Variants in MBOAT2 observed in about 807,000 individuals in gnomAD.
MBOAT2 encodes membrane-bound glycerophospholipid O-acyltransferase 2.
In MBOAT2, 28 loss-of-function variants were observed where a neutral mutation model predicts 63.4. The observed-to-expected ratio is 0.44, with a 90% CI of 0.33 to 0.61. MBOAT2 has a LOEUF of 0.61. Among genes scored for constraint, MBOAT2 ranks in the 20% least tolerant of loss-of-function variants. The pLI, the probability that MBOAT2 is intolerant of heterozygous loss-of-function variation, is 0.03. For synonymous variants in MBOAT2, 211 were observed against 215.6 expected (o/e 0.98, Z 0.19); for missense variants, 470 against 605.8 (o/e 0.78, Z 2.35).
chr2:8,991,376 A>C (rs928943826), intron 1 of MBOAT2, among the ~76,000 whole-genome samples: 3 of 152,226 alleles, frequency 2.0e-5, no homozygotes, highest in Non-Finnish European at 4.4e-5. Context: ...AGTAGTGTGA[A>C]ATTCCAACCT....
intron 1 of MBOAT2, among the ~76,000 whole-genome samples, chr2:8,964,762 C>G (rs1351672196): frequency 6.6e-6 from 1 of 152,182 alleles, no homozygotes; most frequent in Admixed American, 6.5e-5. Context: ...TACTGTCAGA[C>G]TACTAATTTT....
At chr2:8,967,982 G>A (rs1170726958) in intron 1 of MBOAT2, among the ~76,000 whole-genome samples, 3 of 152,052 alleles carry the variant, frequency 2.0e-5, no homozygotes, top group Non-Finnish European at 4.4e-5. Flanking sequence ...AGTGAGTGAC[G>A]CAGAAGACAG....
rs1662467057 is a variant in MBOAT2, at chr2:8,873,234, T to C, written c.757A>G (p.Thr253Ala). The part of the protein sequence containing the change: ...SLLFHLTICT[T>A]LPVEYNIDEH... ...TCAATGTTGTACTCCACAGGTAATG[T>C]TGTACAGATGGTCAAGTGAAATAAC... Residue 253 changes from threonine (T) to alanine (A), a missense_variant, in exon 8 of 13, where the codon ACA becomes GCA. Physicochemically the swap from Thr to Ala is moderately conservative, Grantham distance 58 (BLOSUM62 0). Coordinates refer to ENST00000305997, the MANE Select transcript of MBOAT2 (RefSeq NM_138799.4). The C allele has an allele frequency of 6.2e-7, 1 of 1,614,200 alleles. No homozygotes were observed. Among genetic ancestry groups the C allele is most frequent in the Non-Finnish European group, 8.5e-7 (1 of 1,180,012 alleles).
At chr2:8,984,076 T>C (rs898652735) in intron 1 of MBOAT2, among the ~76,000 whole-genome samples, 5 of 152,180 alleles carry the variant, frequency 3.3e-5, no homozygotes, top group African/African-American at 9.7e-5. Flanking sequence ...CTGACTTTTA[T>C]GAGGTCCCAT....
At chr2:8,963,056 G>A (rs1200387424) in intron 1 of MBOAT2, among the ~76,000 whole-genome samples, 1 of 151,946 alleles carries the variant, frequency 6.6e-6, no homozygotes, top group African/African-American at 2.4e-5. Flanking sequence ...TGGGCAACAT[G>A]GTGAAACCCC....
At chr2:8,966,158 CAA>C (rs2103295785) in intron 1 of MBOAT2, among the ~76,000 whole-genome samples, 1 of 152,240 alleles carries the variant, frequency 6.6e-6, no homozygotes, top group African/African-American at 2.4e-5. Context: ...TGTGAAAGAT[CAA>C]AGTGTATATC....
intron 2 of MBOAT2, among the ~76,000 whole-genome samples, chr2:8,944,814 A>T (rs1176166270): frequency 6.6e-6 from 1 of 152,148 alleles, no homozygotes; most frequent in African/African-American, 2.4e-5. Context: ...CAAATTTATG[A>T]TCTACCTCTT....
At chr2:8,992,869 C>T (rs530830834) in intron 1 of MBOAT2, among the ~76,000 whole-genome samples, 11 of 152,322 alleles carry the variant, frequency 7.2e-5, no homozygotes, top group African/African-American at 2.6e-4. Context: ...TCCACAGGGA[C>T]ACGGGTTTAC....
intron 6 of MBOAT2, among the ~76,000 whole-genome samples, chr2:8,880,471 C>T (rs188980156): frequency 6.6e-6 from 1 of 152,154 alleles, no homozygotes; most frequent in African/African-American, 2.4e-5. Flanking sequence ...ATGTTCTGTT[C>T]GAGCTGCCTG....
At chr2:8,923,598 C>A (rs920012653) in intron 3 of MBOAT2, among the ~76,000 whole-genome samples, 1 of 152,106 alleles carries the variant, frequency 6.6e-6, no homozygotes, top group Non-Finnish European at 1.5e-5. Flanking sequence ...TTCTTTGCTA[C>A]AATACCTGCT....
At chr2:8,899,609 G>C (rs1398587348) in intron 4 of MBOAT2, among the ~76,000 whole-genome samples, 1 of 152,184 alleles carries the variant, frequency 6.6e-6, no homozygotes, top group Admixed American at 6.5e-5. Context: ...TTGTCTTATG[G>C]AGCAGTGCAC....
intron 1 of MBOAT2, among the ~76,000 whole-genome samples, chr2:8,986,173 C>T (rs1671549830): frequency 7.0e-6 from 1 of 143,020 alleles, no homozygotes; most frequent in African/African-American, 2.6e-5. Flanking sequence ...CTACAAAATC[C>T]ATGACCAGTT....
At chr2:8,935,312 G>T (rs1472274441) in intron 3 of MBOAT2, among the ~76,000 whole-genome samples, 1 of 152,122 alleles carries the variant, frequency 6.6e-6, no homozygotes, top group Non-Finnish European at 1.5e-5. Flanking sequence ...AGAGTCAAAG[G>T]CAAGAACTCA....
chr2:8,860,863 G>A, intron 11 of MBOAT2, 99 bp from the exon 12 acceptor site: 1 of 982,180 alleles, frequency 1.0e-6, no homozygotes, highest in Non-Finnish European at 1.5e-6. Context: ...GTGGAGTAGA[G>A]TAACTGAAAC....
At chr2:8,943,105 A>T in intron 3 of MBOAT2, 82 bp downstream of exon 3, 1 of 709,968 alleles carries the variant, frequency 1.4e-6, no homozygotes, top group Non-Finnish European at 2.1e-6. Flanking sequence ...AATTACTTTT[A>T]ATGTAATAAA....
Position 8,862,374 on chromosome 2 carries a change from A to G in MBOAT2, c.1185+216T>C. The G allele has an allele frequency of 4.9e-6, 7 of 1,441,658 alleles. No individual in the cohort carries two copies. The South Asian group carries it at 7.6e-5, about 16-fold the overall frequency. The allele number at this position is 1,441,658 out of a possible 1,614,324, so 89.3% of individuals were successfully genotyped here. ...AGTGCCTCCTACCTGCCGGGCACAT[A>G]GAAACGTGTTTTCTCCTCACAGGAA... On this transcript the variant is annotated intron_variant, in intron 11 of 12. Transcript: ENST00000305997. The surrounding 1 kb of genome is among the most constrained non-coding windows in gnomAD (Gnocchi z 4.3).
chr2:8,909,278 G>A (rs1379695249), intron 3 of MBOAT2, among the ~76,000 whole-genome samples: 1 of 152,122 alleles, frequency 6.6e-6, no homozygotes, highest in Non-Finnish European at 1.5e-5. Flanking sequence ...ATCAACAGGA[G>A]AGAACAGAAA....
intron 1 of MBOAT2, among the ~76,000 whole-genome samples, chr2:8,972,657 C>T (rs1427519431): frequency 3.3e-5 from 5 of 151,962 alleles, no homozygotes; most frequent in Admixed American, 6.5e-5. Flanking sequence ...ACAAAGAACT[C>T]AAACAAATTT....
chr2:8,976,087 C>T (rs897668113), intron 1 of MBOAT2, among the ~76,000 whole-genome samples: 4 of 152,090 alleles, frequency 2.6e-5, no homozygotes, highest in Non-Finnish European at 4.4e-5. Context: ...CCCAGACATC[C>T]ATATGTTGTT....
Sources: gnomAD v4.1 joint callset for allele counts (sites outside exome capture counted in the v4.1 genomes callset) on GRCh38, gnomAD v4.1.1 for gene constraint, Gnocchi (gnomAD v3.1) non-coding constraint, MANE v1.5 for transcripts, NCBI Gene and HGNC (gene_info 2026-07-23, HGNC 2026-07-21) for gene names.